INSC: variants seen among roughly 807,000 people sequenced by gnomAD.
The protein encoded by INSC is INSC spindle orientation adaptor protein, also known as protein inscuteable homolog.
A neutral mutation model predicts 58.6 loss-of-function variants in INSC; 67 were observed. That is an observed-to-expected ratio of 1.14 (90% CI 0.94 to 1.40). The LOEUF is 1.40. INSC is among the 40% of genes most tolerant of loss of function. The probability of loss-of-function intolerance (pLI) is 0.00; values close to 1 mark genes in which losing one functional copy is unlikely to be tolerated. For synonymous variants in INSC, 262 were observed against 276.1 expected, an observed-to-expected ratio of 0.95 and a Z score of 0.51; for missense variants, 714 against 692.0, an observed-to-expected ratio of 1.03 and a Z score of -0.36.
chr11:15,204,644 G>T (rs1386547873), intron 7 of INSC, among the ~76,000 whole-genome samples: 2 of 152,240 alleles, frequency 1.3e-5, no homozygotes, highest in Non-Finnish European at 2.9e-5. Flanking sequence ...AAACCACAGA[G>T]TGACAGGTGA....
At chr11:15,158,860 G>GTTTTTTTTTTTTTTTTTTTT (rs529518368) in intron 2 of INSC, among the ~76,000 whole-genome samples, 3 of 109,706 alleles carry the variant, frequency 2.7e-5, no homozygotes, top group African/African-American at 7.1e-5. Context: ...ATTGTTGGTG[G>GTTTTTTTTTTTTTTTTTTTT]TTTTTTTTTT....
upstream of INSC, among the ~76,000 whole-genome samples, chr11:15,114,389 C>T (rs1485301497): frequency 6.6e-6 from 1 of 152,130 alleles, no homozygotes; most frequent in Non-Finnish European, 1.5e-5. Flanking sequence ...GAGGGAAGCA[C>T]CTGCGGTGAA....
chr11:15,258,025 A>G, the INSC span, among the ~76,000 whole-genome samples: 1 of 152,238 alleles, frequency 6.6e-6, no homozygotes, highest in African/African-American at 2.4e-5. Flanking sequence ...GAAGAGGAGC[A>G]TATGAGACCT....
the INSC span, among the ~76,000 whole-genome samples, chr11:15,261,984 G>T: frequency 6.6e-6 from 1 of 152,082 alleles, no homozygotes; most frequent in Non-Finnish European, 1.5e-5. Context: ...CTGGACCTCA[G>T]GGAGGGGACA....
At chr11:15,130,992 G>A (rs1448076283) in intron 1 of INSC, among the ~76,000 whole-genome samples, 1 of 151,716 alleles carries the variant, frequency 6.6e-6, no homozygotes, top group Non-Finnish European at 1.5e-5. Flanking sequence ...GTTTTGTTTT[G>A]TATTTTGATT....
intron 8 of INSC, among the ~76,000 whole-genome samples, chr11:15,224,776 A>T (rs1589991006): frequency 6.6e-6 from 1 of 152,220 alleles, no homozygotes; most frequent in African/African-American, 2.4e-5. Flanking sequence ...GGATAAGGTT[A>T]CTCTGCTCCT....
chr11:15,116,235 A>AT (rs1305199632), intron 1 of INSC, among the ~76,000 whole-genome samples: 28 of 152,216 alleles, frequency 1.8e-4, no homozygotes, highest in African/African-American at 6.0e-4. Context: ...AGCATATATA[A>AT]TTTGCTCCAT....
intron 1 of INSC, among the ~76,000 whole-genome samples, chr11:15,139,546 T>C (rs1848320817): frequency 6.6e-6 from 1 of 152,256 alleles, no homozygotes; most frequent in Non-Finnish European, 1.5e-5. Context: ...TGCTAGGCGC[T>C]GTCCTCACCA....
At chr11:15,265,112 A>G in the INSC span, among the ~76,000 whole-genome samples, 4 of 152,126 alleles carry the variant, frequency 2.6e-5, no homozygotes, top group Admixed American at 2.6e-4. Flanking sequence ...GATCAGTAGT[A>G]AATGCTTTGT....
downstream of INSC, among the ~76,000 whole-genome samples, chr11:15,251,398 T>G (rs1405223231): frequency 6.6e-6 from 1 of 152,118 alleles, no homozygotes; most frequent in Admixed American, 6.6e-5. Context: ...AAAGAACAAA[T>G]AGATAAATTG....
rs148179446 is a variant in INSC at position 15,228,180 on chromosome 11, C to T, written c.1170+2352C>T. ...ACAATTGGCCTTTGAATGTGTGGCA[C>T]ACAGCATTGAATGGGACCCTCCAGA... On this transcript the variant is annotated intron_variant, in intron 9 of 12. Transcript: ENST00000379556. Among the ~76,000 whole-genome samples the T allele has an allele frequency of 2.1e-3, 327 of 152,286 alleles. 2 individuals are homozygous for T. In the Middle Eastern group the frequency reaches 0.024, roughly 11 times the overall value.
chr11:15,186,662 G>A (rs751735092), intron 5 of INSC, among the ~76,000 whole-genome samples: 2 of 152,136 alleles, frequency 1.3e-5, no homozygotes, highest in East Asian at 3.9e-4. Flanking sequence ...TATTTTGTCT[G>A]TTTTCTCTTC....
At chr11:15,158,291 C>T (rs968410176) in intron 2 of INSC, among the ~76,000 whole-genome samples, 3 of 151,296 alleles carry the variant, frequency 2.0e-5, no homozygotes, top group Non-Finnish European at 2.9e-5. Context: ...TCATGGCATT[C>T]GAGATCTTTG....
chr11:15,261,215 G>A, the INSC span, among the ~76,000 whole-genome samples: 1 of 152,126 alleles, frequency 6.6e-6, no homozygotes, highest in African/African-American at 2.4e-5. Context: ...TCATGTGTAT[G>A]CCTGGTTCTG....
intron 7 of INSC, among the ~76,000 whole-genome samples, chr11:15,221,096 G>T (rs917840152): frequency 6.6e-6 from 1 of 152,346 alleles, no homozygotes; most frequent in Middle Eastern, 3.4e-3. Context: ...CTAACGCCAA[G>T]TCACACAGCA....
intron 8 of INSC, 76 bp downstream of exon 8, chr11:15,221,724 C>T (rs1414486271): frequency 7.2e-7 from 1 of 1,384,186 alleles, no homozygotes. Context: ...GCCAGGAAGG[C>T]CTTCCCATCT....
chr11:15,120,632 G>A (rs778346073), intron 1 of INSC, among the ~76,000 whole-genome samples: 5 of 152,208 alleles, frequency 3.3e-5, no homozygotes, highest in Non-Finnish European at 5.9e-5. Context: ...GTGGTCAGTA[G>A]TGTTGGGGAT....
rs374301663 is a variant in INSC, at chr11:15,246,048, G to T, written c.*8G>T. 472 of 1,613,984 alleles carry T rather than the reference G, an allele frequency of 2.9e-4. 1 individual carries two copies. In the African/African-American group the frequency reaches 5.0e-3, roughly 17 times the overall value. On this transcript the variant is annotated 3_prime_UTR_variant, in exon 13 of 13. Coordinates refer to ENST00000379556, the MANE Select transcript of INSC (RefSeq NM_001042536.3). ...GAGGAGAGTTTTGTGTAGTGAGTGT[G>T]GGCGAAGAAATACATTTGGCTGTTC...
chr11:15,173,072 A>C (rs925074776), intron 2 of INSC, among the ~76,000 whole-genome samples: 3 of 152,224 alleles, frequency 2.0e-5, no homozygotes, highest in Non-Finnish European at 4.4e-5. Context: ...AGAGTGTTGA[A>C]TGTTGCATTG....
Sources: allele counts gnomAD v4.1 joint callset (sites outside exome capture counted in the v4.1 genomes callset), GRCh38; gene constraint gnomAD v4.1.1; transcripts MANE v1.5; gene names NCBI Gene and HGNC (gene_info 2026-07-23, HGNC 2026-07-21).